ULK4: variants seen among roughly 807,000 people sequenced by gnomAD.
ULK4 encodes the protein unc-51 like kinase 4.
A neutral mutation model predicts 160.6 loss-of-function variants in ULK4; 133 were observed. That is an observed-to-expected ratio of 0.83 (90% CI 0.72 to 0.96). The LOEUF is 0.96. Ranked by LOEUF, ULK4 falls within the 40% of genes least tolerant of loss-of-function variation. The pLI is 0.00. For synonymous variants in ULK4, 534 were observed against 539.8 expected (o/e 0.99, Z 0.15); for missense variants, 1,580 against 1,499.5 (o/e 1.05, Z -0.89).
At chr3:41,805,685 T>C (rs1311101531) in intron 19 of ULK4, among the ~76,000 whole-genome samples, 1 of 151,706 alleles carries the variant, frequency 6.6e-6, no homozygotes, top group Non-Finnish European at 1.5e-5. Context: ...TGAGAGTTTT[T>C]AGCATGAAGG....
At chr3:41,947,831 A>G (rs1208662620) in intron 2 of ULK4, among the ~76,000 whole-genome samples, 1 of 152,166 alleles carries the variant, frequency 6.6e-6, no homozygotes, top group Admixed American at 6.5e-5. Flanking sequence ...CATAAGCTCA[A>G]AAGTACAGGA....
intron 19 of ULK4, among the ~76,000 whole-genome samples, chr3:41,805,425 G>C (rs1376000215): frequency 6.6e-6 from 1 of 152,146 alleles, no homozygotes; most frequent in Non-Finnish European, 1.5e-5. Flanking sequence ...CATGTTGTTT[G>C]CAAACAGGGA....
rs967136574 is a variant in ULK4 at position 41,551,346 on chromosome 3, G to T, written c.3226+14679C>A. Among the ~76,000 whole-genome samples the T allele has an allele frequency of 7.3e-5, 11 of 151,316 alleles. No individual in the cohort carries two copies. The South Asian group carries it at 1.0e-3, about 14-fold the overall frequency. ...AAGGATCAACAAAAGGAAAAGTTTG[G>T]TTTTTTTGAAAAAATAAAATAAAAA... On this transcript the variant is annotated intron_variant, in intron 32 of 36. Coordinates refer to ENST00000301831, the MANE Select transcript of ULK4 (RefSeq NM_017886.4).
intron 35 of ULK4, among the ~76,000 whole-genome samples, chr3:41,288,306 G>A (rs59190327): frequency 0.085 from 12,901 of 152,112 alleles, 1,342 homozygotes; most frequent in African/African-American, 0.24. Flanking sequence ...CCAGGAAGAT[G>A]AGCCCCACTA....
intron 22 of ULK4, among the ~76,000 whole-genome samples, chr3:41,740,323 G>A (rs184936526): frequency 4.6e-5 from 7 of 151,462 alleles, no homozygotes; most frequent in Non-Finnish European, 8.8e-5. Flanking sequence ...ATACTATGGG[G>A]AAGGAAAAAA....
intron 32 of ULK4, among the ~76,000 whole-genome samples, chr3:41,555,540 T>A (rs2700452): frequency 6.6e-6 from 1 of 151,940 alleles, no homozygotes; most frequent in Non-Finnish European, 1.5e-5. Context: ...AGCAAGGTTG[T>A]GGAGAAAAAG....
At chr3:41,810,023 C>T (rs1193666722) in intron 19 of ULK4, among the ~76,000 whole-genome samples, 1 of 152,176 alleles carries the variant, frequency 6.6e-6, no homozygotes, top group East Asian at 1.9e-4. Flanking sequence ...TGATCACATT[C>T]AGCTAATGTG....
At chr3:41,477,593 A>C (rs1372501115) in intron 32 of ULK4, among the ~76,000 whole-genome samples, 2 of 152,240 alleles carry the variant, frequency 1.3e-5, no homozygotes, top group East Asian at 3.8e-4. Context: ...TTCTTTCCCA[A>C]ACTGATCAAT....
chr3:41,402,859 G>A (rs2082211138), intron 34 of ULK4, among the ~76,000 whole-genome samples: 1 of 152,262 alleles, frequency 6.6e-6, no homozygotes, highest in Admixed American at 6.5e-5. Flanking sequence ...CTCATAAAAT[G>A]AGTTGGGAAA....
At chr3:41,397,345 G>A (rs1041746223) in intron 35 of ULK4, among the ~76,000 whole-genome samples, 2 of 152,146 alleles carry the variant, frequency 1.3e-5, no homozygotes, top group Non-Finnish European at 2.9e-5. Context: ...TGTTGGGGAT[G>A]AGAAAATTTC....
At chr3:41,405,738 T>G (rs1440224142) in intron 34 of ULK4, among the ~76,000 whole-genome samples, 3 of 152,234 alleles carry the variant, frequency 2.0e-5, no homozygotes, top group Non-Finnish European at 4.4e-5. Context: ...GGAGCACTTT[T>G]TCATATGCTT....
At chr3:41,379,812 TAAG>T (rs1235427161) in intron 35 of ULK4, among the ~76,000 whole-genome samples, 2 of 152,196 alleles carry the variant, frequency 1.3e-5, no homozygotes, top group Admixed American at 6.5e-5. Flanking sequence ...GGCAAATTCT[TAAG>T]AAGAAACTAT....
intron 33 of ULK4, 120 bp downstream of exon 33, chr3:41,462,967 G>T: frequency 8.1e-7 from 1 of 1,234,616 alleles, no homozygotes; most frequent in Non-Finnish European, 1.1e-6. Flanking sequence ...ACTCTCTATA[G>T]AATTATACAT....
intron 17 of ULK4, among the ~76,000 whole-genome samples, chr3:41,858,161 T>G (rs865887332): frequency 1.0e-4 from 15 of 144,958 alleles, no homozygotes; most frequent in African/African-American, 3.5e-4. Context: ...TTTTTTTTTT[T>G]TTTTTTTTTG....
At chr3:41,667,382 G>C (rs1326024037) in intron 29 of ULK4, among the ~76,000 whole-genome samples, 2 of 152,194 alleles carry the variant, frequency 1.3e-5, no homozygotes, top group Admixed American at 1.3e-4. Context: ...TTAGAATATA[G>C]ATATTGAATA....
At chr3:41,720,121 TAA>T (rs1314019543) in intron 22 of ULK4, among the ~76,000 whole-genome samples, 1 of 152,214 alleles carries the variant, frequency 6.6e-6, no homozygotes, top group Non-Finnish European at 1.5e-5. Flanking sequence ...ACTGCAATTT[TAA>T]AAGATATTTT....
At chr3:41,321,301 A>G (rs1318565763) in intron 35 of ULK4, among the ~76,000 whole-genome samples, 1 of 152,156 alleles carries the variant, frequency 6.6e-6, no homozygotes, top group East Asian at 1.9e-4. Flanking sequence ...ATATTCAACA[A>G]CTTTTCCGTG....
At chr3:41,338,336 G>C (rs1373446209) in intron 35 of ULK4, among the ~76,000 whole-genome samples, 2 of 152,130 alleles carry the variant, frequency 1.3e-5, no homozygotes, top group Non-Finnish European at 2.9e-5. Flanking sequence ...CATTCTAACT[G>C]TGAAAAGGGA....
At chr3:41,455,180 G>A (rs1006932053) in intron 34 of ULK4, among the ~76,000 whole-genome samples, 4 of 152,094 alleles carry the variant, frequency 2.6e-5, no homozygotes, top group Non-Finnish European at 5.9e-5. Context: ...ATATCTTTTT[G>A]AGAAGAAATT....
Sources: allele counts gnomAD v4.1 joint callset (sites outside exome capture counted in the v4.1 genomes callset), GRCh38; gene constraint gnomAD v4.1.1; transcripts MANE v1.5; gene names NCBI Gene and HGNC (gene_info 2026-07-23, HGNC 2026-07-21).